ERCC6L: variants seen among roughly 807,000 people sequenced by gnomAD.
ERCC6L encodes DNA excision repair protein ERCC-6-like.
ERCC6L carries 7 observed loss-of-function variants against 20.1 expected under a neutral mutation model. That is an observed-to-expected ratio of 0.35 (90% CI 0.20 to 0.65). The LOEUF (loss-of-function observed/expected upper bound fraction) is 0.65. Among genes scored for constraint, ERCC6L ranks in the 30% least tolerant of loss-of-function variants. The probability of loss-of-function intolerance (pLI) is 0.69; values close to 1 mark genes in which losing one functional copy is unlikely to be tolerated. For synonymous variants in ERCC6L, 278 were observed against 331.3 expected, an observed-to-expected ratio of 0.84 and a Z score of 1.75; for missense variants, 592 against 892.4, an observed-to-expected ratio of 0.66 and a Z score of 4.29.
intron 1 of ERCC6L, among the ~76,000 whole-genome samples, chrX:72,213,663 A>G (rs1024465856): frequency 1.4e-4 from 16 of 112,271 alleles, no homozygotes; most frequent in African/African-American, 4.8e-4. Context: ...AATCGGGCTA[A>G]AGGCTCGCCA....
intron 1 of ERCC6L, among the ~76,000 whole-genome samples, chrX:72,235,876 G>A (rs1006837735): frequency 1.8e-5 from 2 of 111,742 alleles, no homozygotes; most frequent in East Asian, 2.8e-4. Flanking sequence ...CTTACCATAC[G>A]AAGGCTATGG....
chrX:72,232,887 G>A (rs1316557371), intron 1 of ERCC6L, among the ~76,000 whole-genome samples: 1 of 110,663 alleles, frequency 9.0e-6, no homozygotes, highest in East Asian at 2.8e-4. Context: ...TGGATCGCTT[G>A]AGACTAGGAG....
At chrX:72,236,327 C>T (rs137869823) in intron 1 of ERCC6L, among the ~76,000 whole-genome samples, 3,818 of 110,770 alleles carry the variant, frequency 0.034, 188 homozygotes, top group African/African-American at 0.12. Flanking sequence ...GAGACGGAGT[C>T]TTGCTCTGTT....
rs768514070 is a variant in ERCC6L at position 72,205,297 on chromosome X, G to A, written c.3470C>T (p.Ser1157Phe). 8.3e-7 allele frequency: 1 copy of A among 1,211,844 alleles called. No homozygotes were observed. Among genetic ancestry groups the A allele is most frequent in the Non-Finnish European group, 1.1e-6 (1 of 895,569 alleles). ...AGGCTTAGACGTCATTAACCAGCTG[G>A]ACTTGTTTTCTGAAGACAGTGTTTC... ...SGETLSSENKSSWLMTSKPSA... is the reference protein window; with the variant it reads ...SGETLSSENKFSWLMTSKPSA... Residue 1157 changes from serine (S) to phenylalanine (F), a missense_variant, in exon 2 of 2, where the codon TCC (serine) becomes TTC (phenylalanine). By Grantham distance (155) the Ser-to-Phe change is radical (BLOSUM62 -2). Transcript: ENST00000334463.
intron 1 of ERCC6L, among the ~76,000 whole-genome samples, chrX:72,213,915 T>A (rs1301205922): frequency 7.1e-5 from 8 of 111,987 alleles, no homozygotes; most frequent in Non-Finnish European, 1.5e-4. Flanking sequence ...CAAAGACCTG[T>A]CCGTTAACAG....
chrX:72,220,616 C>G (rs1022884118), intron 1 of ERCC6L, among the ~76,000 whole-genome samples: 1 of 110,077 alleles, frequency 9.1e-6, no homozygotes, highest in African/African-American at 3.3e-5. Context: ...GAGATAACAC[C>G]CCTCTGGCCA....
In ERCC6L at chrX:72,206,848, A is replaced by G; in HGVS notation, c.1919T>C (p.Leu640Pro). 8.3e-7 allele frequency: 1 copy of G among 1,211,859 alleles called. No homozygotes were observed. The highest frequency in any genetic ancestry group is 1.7e-5 in the African/African-American group (1 of 57,878). Residue 640 changes from leucine to proline, a missense_variant, in exon 2 of 2, where the codon CTG becomes CCG. Around this residue, in one of 3 missense-constraint regions of ERCC6L, gnomAD observed 196 missense variants for 440.1 expected, o/e 0.45. Transcript: ENST00000334463. ...IEDLQNSVTQLQLQSLHAAQR... is the reference protein window; with the variant it reads ...IEDLQNSVTQPQLQSLHAAQR... ...AGCAGCATGCAAAGACTGAAGCTGC[A>G]GCTGGGTTACAGAGTTCTGAAGATC...
rs759849253 is a variant in ERCC6L at position 72,208,509 on chromosome X, C to T, written c.258G>A (p.Leu86=). The change falls in exon 2 of 2, where the codon TTG becomes TTA. Residue 86 remains leucine (L), a synonymous_variant. Coordinates refer to ENST00000334463, the MANE Select transcript of ERCC6L (RefSeq NM_017669.4). ...GGTTGTGCAGTTCTCGATAAAGTAG[C>T]AAGCCAGAGTTGCACACATCTGTAA... ...DEFTDVCNSG[L]LLYRELHNQL... 8.3e-7 allele frequency: 1 copy of T among 1,211,729 alleles called. No homozygotes were observed. Among genetic ancestry groups the T allele is most frequent in the South Asian group, 1.8e-5 (1 of 56,998 alleles).
intron 1 of ERCC6L, among the ~76,000 whole-genome samples, chrX:72,235,237 G>C (rs776259059): frequency 3.6e-5 from 4 of 111,059 alleles, no homozygotes; most frequent in African/African-American, 1.3e-4. Flanking sequence ...GAGGCTCTAG[G>C]GGGAGAATGT....
At chrX:72,223,370 C>T (rs1311230426) in intron 1 of ERCC6L, among the ~76,000 whole-genome samples, 1 of 104,790 alleles carries the variant, frequency 9.5e-6, no homozygotes, top group Non-Finnish European at 2.0e-5. Context: ...GAGGAAGGTC[C>T]CCAAACATCT....
At chrX:72,220,050 G>A (rs1426711623) in intron 1 of ERCC6L, among the ~76,000 whole-genome samples, 1 of 110,718 alleles carries the variant, frequency 9.0e-6, no homozygotes, top group Non-Finnish European at 1.9e-5. Flanking sequence ...TTCCTAGTTT[G>A]TTGAGTGTTT....
Position 72,206,710 on chromosome X carries a change from T to C in ERCC6L, c.2057A>G (p.Glu686Gly). 1 of 1,211,516 alleles carries C rather than the reference T, an allele frequency of 8.3e-7. No individual in the cohort carries two copies. Among genetic ancestry groups the C allele is most frequent in the Non-Finnish European group, 1.1e-6 (1 of 895,459 alleles). The stretch of plus-strand genomic sequence containing the variant: ...AGATTCTTCTACCACATCAAGCTCT[T>C]CTTTAACAGACAGATCACATGTGTA... ...LMYTCDLSVKEELDVVEESHY... is the reference protein window; with the variant it reads ...LMYTCDLSVKGELDVVEESHY... The change falls in exon 2 of 2, where the codon GAA (glutamate) becomes GGA (glycine). Residue 686 changes from glutamate (E) to glycine (G), a missense_variant. Transcript: ENST00000334463.
At chrX:72,217,318 A>G (rs2042892040) in intron 1 of ERCC6L, among the ~76,000 whole-genome samples, 1 of 112,179 alleles carries the variant, frequency 8.9e-6, no homozygotes, top group Non-Finnish European at 1.9e-5. Context: ...ATGACAGGGT[A>G]TAAAGGACCT....
At position 72,207,300 on chromosome X, in the gene ERCC6L, T is replaced by G. The variant is rs2042826044; in HGVS notation, c.1467A>C (p.Leu489=). The G allele has an allele frequency of 8.3e-7, 1 of 1,209,695 alleles. No homozygotes were observed. Among genetic ancestry groups the G allele is most frequent in the Non-Finnish European group, 1.1e-6 (1 of 894,778 alleles). ...TLVFSQSRQI[L]NIIERLLKNR... Reference sequence around the variant, plus strand: ...TCTTTAAGAGGCGTTCAATGATGTTTAGAATTTGCCTCGATTGAGAAAACA... The same window carrying G: ...TCTTTAAGAGGCGTTCAATGATGTTGAGAATTTGCCTCGATTGAGAAAACA... Residue 489 remains leucine (L), a synonymous_variant, in exon 2 of 2, where the codon CTA becomes CTC. Coordinates refer to ENST00000334463, the MANE Select transcript of ERCC6L (RefSeq NM_017669.4).
intron 1 of ERCC6L, among the ~76,000 whole-genome samples, chrX:72,220,704 A>T (rs952084063): frequency 7.2e-5 from 8 of 110,894 alleles, no homozygotes; most frequent in African/African-American, 2.6e-4. Flanking sequence ...TCCCTCACAC[A>T]GAAACATTCT....
rs551073390 is a variant in ERCC6L, at chrX:72,208,619, T to C, written c.148A>G (p.Ile50Val). 1.9e-4 allele frequency: 228 copies of C among 1,209,907 alleles called. 1 individual carries two copies. In the Middle Eastern group the frequency reaches 2.5e-3, roughly 13 times the overall value. The change falls in exon 2 of 2, where the codon ATT becomes GTT. Residue 50 changes from isoleucine to valine, a missense_variant. By Grantham distance (29) the Ile-to-Val change is conservative. Transcript: ENST00000334463. ...CTCAGCACTTTTTCATTGGGAAAAA[T>C]GTCCTTTGCCAAATTGAAAAGTTTA... is the stretch of plus-strand genomic sequence containing the variant. ...AFKLFNLAKD[I>V]FPNEKVLSRI...
At chrX:72,210,310 G>A (rs184108328) in intron 1 of ERCC6L, among the ~76,000 whole-genome samples, 6 of 110,943 alleles carry the variant, frequency 5.4e-5, no homozygotes, top group African/African-American at 2.0e-4. Flanking sequence ...TCAGGGAAAT[G>A]CAAACCAAAA....
chrX:72,222,295 G>C (rs1602446094), intron 1 of ERCC6L, among the ~76,000 whole-genome samples: 1 of 111,625 alleles, frequency 9.0e-6, no homozygotes, highest in Non-Finnish European at 1.9e-5. Flanking sequence ...ATTTAACTTG[G>C]CATGATATTT....
chrX:72,210,798 T>G (rs1457850395), intron 1 of ERCC6L, among the ~76,000 whole-genome samples: 1 of 111,867 alleles, frequency 8.9e-6, no homozygotes, highest in African/African-American at 3.2e-5. Context: ...GTTTACAGTA[T>G]TCCTTGGATA....
Sources: allele counts gnomAD v4.1 joint callset (sites outside exome capture counted in the v4.1 genomes callset), GRCh38; gene constraint gnomAD v4.1.1; regional missense constraint gnomAD v4.1.1; transcripts MANE v1.5; gene names NCBI Gene and HGNC (gene_info 2026-07-23, HGNC 2026-07-21).